FAM107B: variants seen among roughly 807,000 people sequenced by gnomAD.
FAM107B encodes the protein family with sequence similarity 107 member B, also known as protein FAM107B.
FAM107B carries 21 observed loss-of-function variants against 31.5 expected under a neutral mutation model. That is an observed-to-expected ratio of 0.67 (90% CI 0.47 to 0.96). The LOEUF (loss-of-function observed/expected upper bound fraction) is 0.96, where lower values mean the gene tolerates loss of function less well. Among genes scored for constraint, FAM107B ranks in the 40% least tolerant of loss-of-function variants. The pLI is 0.00. For missense variants in FAM107B, 452 were observed against 377.1 expected (o/e 1.20, Z -1.64); for synonymous variants, 157 against 141.5 (o/e 1.11, Z -0.78).
chr10:14,621,588 T>C lies in FAM107B; in HGVS notation c.469+46046A>G, dbSNP rs1329043794. 3.5e-5 allele frequency among the ~76,000 whole-genome samples: 5 copies of C among 143,752 alleles called. No homozygotes were observed. In the South Asian group the frequency reaches 1.2e-3, roughly 34 times the overall value. 94.3% of individuals were successfully genotyped at this position (143,752 alleles called of 152,430 possible). On this transcript the variant is annotated intron_variant, in intron 2 of 4. Transcript: ENST00000181796. ...TAAAGAATATAAAAAGGAAACTAAT[T>C]TTTACCTTAGTCAGGCTGCAATTCT...
intron 2 of FAM107B, chr10:14,548,436 G>A (rs188500577): frequency 7.1e-6 from 7 of 985,704 alleles, no homozygotes; most frequent in Non-Finnish European, 7.2e-6. Flanking sequence ...GTAGGTAACA[G>A]CACCTGGCTG....
chr10:14,771,639 C>T (rs1008028839), intron 1 of FAM107B, among the ~76,000 whole-genome samples: 5 of 152,038 alleles, frequency 3.3e-5, no homozygotes, highest in African/African-American at 9.7e-5. Flanking sequence ...AATTAAAAAA[C>T]AAATAATAAT....
intron 1 of FAM107B, among the ~76,000 whole-genome samples, chr10:14,685,460 T>C (rs1854961545): frequency 6.6e-6 from 1 of 152,076 alleles, no homozygotes; most frequent in Non-Finnish European, 1.5e-5. Context: ...TCTTGATAAC[T>C]TTTTATGGTG....
At chr10:14,545,360 C>T (rs1355397173) in intron 2 of FAM107B, among the ~76,000 whole-genome samples, 4 of 151,886 alleles carry the variant, frequency 2.6e-5, no homozygotes, top group Admixed American at 2.0e-4. Context: ...GCTTCTGTTA[C>T]AAAGCTATTG....
At chr10:14,768,578 G>A (rs1026030832) in intron 1 of FAM107B, among the ~76,000 whole-genome samples, 1 of 152,164 alleles carries the variant, frequency 6.6e-6, no homozygotes. Flanking sequence ...GAGAAATTTG[G>A]ATATCTACAT....
At chr10:14,662,411 C>T (rs915145322) in intron 2 of FAM107B, among the ~76,000 whole-genome samples, 13 of 148,044 alleles carry the variant, frequency 8.8e-5, no homozygotes, top group Non-Finnish European at 1.5e-5. Flanking sequence ...GGGTCTCGCT[C>T]TCTCACCCAG....
intron 3 of FAM107B, among the ~76,000 whole-genome samples, chr10:14,522,654 T>C (rs1845786302): frequency 6.6e-6 from 1 of 152,002 alleles, no homozygotes; most frequent in Non-Finnish European, 1.5e-5. Context: ...GACCTCGGGA[T>C]CCACTCGCCT....
intron 1 of FAM107B, among the ~76,000 whole-genome samples, chr10:14,709,692 T>C (rs1442856358): frequency 6.6e-6 from 1 of 152,198 alleles, no homozygotes; most frequent in Non-Finnish European, 1.5e-5. Context: ...AATAGGTGAA[T>C]GGCAAAACAA....
At chr10:14,533,684 G>A (rs1048978263) in intron 2 of FAM107B, among the ~76,000 whole-genome samples, 1 of 152,194 alleles carries the variant, frequency 6.6e-6, no homozygotes, top group Admixed American at 6.5e-5. Flanking sequence ...TTTCCTGGAC[G>A]TCAGTGTTGA....
chr10:14,718,500 GA>G (rs1855834551), intron 1 of FAM107B, among the ~76,000 whole-genome samples: 1 of 133,286 alleles, frequency 7.5e-6, no homozygotes, highest in Non-Finnish European at 1.6e-5. Context: ...AGGAAGGAAG[GA>G]AAGGGAGGGA....
intron 2 of FAM107B, among the ~76,000 whole-genome samples, chr10:14,578,857 A>G (rs1851544605): frequency 6.6e-6 from 1 of 152,238 alleles, no homozygotes; most frequent in Admixed American, 6.5e-5. Flanking sequence ...GAATGCCGCA[A>G]GTTAGCTCAC....
chr10:14,768,007 A>G (rs1249939510), intron 1 of FAM107B, among the ~76,000 whole-genome samples: 3 of 152,226 alleles, frequency 2.0e-5, no homozygotes, highest in Non-Finnish European at 4.4e-5. Flanking sequence ...ATACAGTAAC[A>G]ATGAACACTC....
chr10:14,563,930 G>A (rs1281044302), intron 2 of FAM107B, among the ~76,000 whole-genome samples: 1 of 151,950 alleles, frequency 6.6e-6, no homozygotes, highest in South Asian at 2.1e-4. Flanking sequence ...TCACTAAAGA[G>A]ATAAATAAAA....
intron 1 of FAM107B, among the ~76,000 whole-genome samples, chr10:14,727,115 A>G (rs1564275674): frequency 2.0e-5 from 3 of 152,086 alleles, no homozygotes; most frequent in Admixed American, 6.6e-5. Context: ...CTAATGCCAC[A>G]CTGATCTGAC....
chr10:14,620,603 A>G (rs921284476), intron 2 of FAM107B, among the ~76,000 whole-genome samples: 5 of 152,150 alleles, frequency 3.3e-5, no homozygotes, highest in Admixed American at 1.3e-4. Context: ...ACATAGGTAT[A>G]CACGTGCCAT....
At chr10:14,682,509 A>G (rs1016986368) in intron 1 of FAM107B, among the ~76,000 whole-genome samples, 4 of 152,238 alleles carry the variant, frequency 2.6e-5, no homozygotes, top group Admixed American at 1.3e-4. Context: ...AGCTTGGGCA[A>G]CAGAGTGAGA....
At chr10:14,718,741 C>CA (rs1855841146) in intron 1 of FAM107B, among the ~76,000 whole-genome samples, 1 of 152,194 alleles carries the variant, frequency 6.6e-6, no homozygotes, top group Non-Finnish European at 1.5e-5. Flanking sequence ...TTATAATCTG[C>CA]CTGGCCTTTG....
intron 1 of FAM107B, among the ~76,000 whole-genome samples, chr10:14,720,827 G>C (rs886849106): frequency 8.6e-5 from 13 of 151,848 alleles, no homozygotes; most frequent in Non-Finnish European, 1.9e-4. Context: ...AATTTCAAAG[G>C]AACATATTTT....
chr10:14,616,290 A>C (rs1400834389), intron 2 of FAM107B, among the ~76,000 whole-genome samples: 1 of 152,228 alleles, frequency 6.6e-6, no homozygotes, highest in Non-Finnish European at 1.5e-5. Context: ...TAGCAGTTCT[A>C]TGGAGCTACT....
Sources: gnomAD v4.1 joint callset for allele counts (sites outside exome capture counted in the v4.1 genomes callset) on GRCh38, gnomAD v4.1.1 for gene constraint, MANE v1.5 for transcripts, NCBI Gene and HGNC (gene_info 2026-07-23, HGNC 2026-07-21) for gene names.